Variants in SNX30 observed in about 807,000 individuals in gnomAD.
The protein encoded by SNX30 is sorting nexin family member 30.
Under a neutral mutation model 46.4 loss-of-function variants are expected in SNX30, and 24 were observed. The ratio of observed to expected loss-of-function variants is 0.52; its 90% CI spans 0.37 to 0.73. The LOEUF (loss-of-function observed/expected upper bound fraction) is 0.73, where lower values mean the gene tolerates loss of function less well. Ranked by LOEUF, SNX30 falls within the 30% of genes least tolerant of loss-of-function variation. SNX30 has a pLI of 0.00. For missense variants in SNX30, 533 were observed against 555.7 expected (o/e 0.96, Z 0.41); for synonymous variants, 189 against 211.5 (o/e 0.89, Z 0.92).
chr9:112,837,516 C>G (rs1840776720), intron 5 of SNX30, among the ~76,000 whole-genome samples: 1 of 152,018 alleles, frequency 6.6e-6, no homozygotes, highest in African/African-American at 2.4e-5. Flanking sequence ...TGCTCTGTCG[C>G]CCAGGCTGGA....
At chr9:112,807,484 G>C (rs990637614) in intron 2 of SNX30, among the ~76,000 whole-genome samples, 1 of 152,170 alleles carries the variant, frequency 6.6e-6, no homozygotes, top group Non-Finnish European at 1.5e-5. Flanking sequence ...CATTGGGCTA[G>C]ATGCTTACAT....
At chr9:112,822,858 G>A (rs1840526861) in intron 3 of SNX30, among the ~76,000 whole-genome samples, 1 of 152,142 alleles carries the variant, frequency 6.6e-6, no homozygotes. Context: ...TTGCCCACCT[G>A]TGAGTCCTTT....
intron 6 of SNX30, 72 bp from the exon 7 acceptor site, chr9:112,850,787 A>C: frequency 1.1e-5 from 12 of 1,113,820 alleles, no homozygotes; most frequent in Non-Finnish European, 1.6e-5. Context: ...GGGGAAAAGA[A>C]GCAATTGCCT....
intron 1 of SNX30, among the ~76,000 whole-genome samples, chr9:112,782,697 G>C (rs1301881822): frequency 6.6e-6 from 1 of 152,074 alleles, no homozygotes; most frequent in Non-Finnish European, 1.5e-5. Flanking sequence ...ACTCAGATCT[G>C]TTCCATCAGT....
At chr9:112,816,870 G>A (rs1434130112) in intron 2 of SNX30, among the ~76,000 whole-genome samples, 1 of 152,104 alleles carries the variant, frequency 6.6e-6, no homozygotes, top group Non-Finnish European at 1.5e-5. Context: ...TGTAATTTGT[G>A]CCAGTAAATG....
intron 6 of SNX30, among the ~76,000 whole-genome samples, chr9:112,850,314 G>GGTAGGGA (rs1841002342): frequency 6.6e-6 from 1 of 152,240 alleles, no homozygotes; most frequent in African/African-American, 2.4e-5. Flanking sequence ...GAACCTCTCA[G>GGTAGGGA]GTAGGGAGTG....
At position 112,831,027 on chromosome 9, in the gene SNX30, A is replaced by T. The variant is rs1270843532; in HGVS notation, c.618+144A>T. 7 of 806,756 alleles carry T rather than the reference A, an allele frequency of 8.7e-6. No individual in the cohort carries two copies. The East Asian group carries it at 2.0e-4, about 24-fold the overall frequency. 50.0% of individuals were successfully genotyped at this position (806,756 alleles called of 1,614,324 possible). ...ATGTTGTGCGCCTGTAGTCCCAGCT[A>T]CCTGGGAGGCTAAGGCAGGAGGTAG... On this transcript the variant is annotated intron_variant, in intron 4 of 8. Transcript: ENST00000374232.
intron 1 of SNX30, among the ~76,000 whole-genome samples, chr9:112,773,480 CCTGGGCT>C (rs1766819013): frequency 6.6e-6 from 1 of 151,858 alleles, no homozygotes; most frequent in Non-Finnish European, 1.5e-5. Flanking sequence ...GCTTTGAACT[CCTGGGCT>C]CAAGCAATCT....
At chr9:112,862,861 ATT>A (rs377743271) in intron 7 of SNX30, among the ~76,000 whole-genome samples, 1 of 148,944 alleles carries the variant, frequency 6.7e-6, no homozygotes, top group Non-Finnish European at 1.5e-5. Flanking sequence ...TCAGCCCAGT[ATT>A]TTTTTTTTCC....
chr9:112,808,150 CA>C lies in SNX30; in HGVS notation c.348+3186del, dbSNP rs1370665685. ...GTGTGTGAGAATGAGAGAAAGAGAA[CA>C]AACAAGAGGAACACGGGATCCCAAC... On this transcript the variant is annotated intron_variant, in intron 2 of 8. Coordinates refer to ENST00000374232, the MANE Select transcript of SNX30 (RefSeq NM_001012994.2). Among the ~76,000 whole-genome samples, 3 of 152,290 alleles carry C rather than the reference CA, an allele frequency of 2.0e-5. No individual in the cohort carries two copies. The East Asian group carries it at 5.8e-4, about 29-fold the overall frequency.
At chr9:112,853,246 C>T (rs970770607) in intron 7 of SNX30, among the ~76,000 whole-genome samples, 2 of 152,200 alleles carry the variant, frequency 1.3e-5, no homozygotes. Flanking sequence ...ACTGGCCCAG[C>T]GTATGCAGCT....
chr9:112,837,914 G>A (rs1240112119), intron 5 of SNX30, among the ~76,000 whole-genome samples: 6 of 128,054 alleles, frequency 4.7e-5, no homozygotes, highest in East Asian at 2.3e-4. Flanking sequence ...TTTTTTTGAC[G>A]GAGTCTCGCT....
downstream of SNX30, among the ~76,000 whole-genome samples, chr9:112,876,947 G>A (rs1201208979): frequency 5.1e-5 from 6 of 117,562 alleles, no homozygotes; most frequent in Admixed American, 2.5e-4. Flanking sequence ...AAAAAAAAAA[G>A]GATGCAGGGA....
intron 1 of SNX30, among the ~76,000 whole-genome samples, chr9:112,758,643 G>A (rs1011478250): frequency 2.6e-5 from 4 of 152,146 alleles, no homozygotes; most frequent in Admixed American, 6.5e-5. Context: ...CGATCTGCCC[G>A]CATCAGCCTT....
At chr9:112,776,352 G>A (rs1271522985) in intron 1 of SNX30, among the ~76,000 whole-genome samples, 1 of 151,898 alleles carries the variant, frequency 6.6e-6, no homozygotes, top group African/African-American at 2.4e-5. Flanking sequence ...TTCTATCCTG[G>A]TGTTTCTACT....
chr9:112,861,137 G>A (rs1213885876), intron 7 of SNX30, among the ~76,000 whole-genome samples: 1 of 152,208 alleles, frequency 6.6e-6, no homozygotes, highest in Non-Finnish European at 1.5e-5. Flanking sequence ...GTACTGAAGA[G>A]GGCTTCATGC....
chr9:112,774,147 T>C (rs1839699296), intron 1 of SNX30, among the ~76,000 whole-genome samples: 1 of 152,172 alleles, frequency 6.6e-6, no homozygotes, highest in Non-Finnish European at 1.5e-5. Flanking sequence ...GCTAGCCAAA[T>C]CCCCACTGGA....
chr9:112,790,920 C>T (rs1281402816), intron 1 of SNX30, among the ~76,000 whole-genome samples: 2 of 152,084 alleles, frequency 1.3e-5, no homozygotes, highest in Non-Finnish European at 2.9e-5. Context: ...TATATTATTG[C>T]GGTAACTAGA....
intron 1 of SNX30, among the ~76,000 whole-genome samples, chr9:112,760,010 A>G (rs1048391945): frequency 1.3e-5 from 2 of 152,086 alleles, no homozygotes; most frequent in Admixed American, 1.3e-4. Context: ...TTCTTTCTAC[A>G]TTTTGGCCTA....
Sources: allele counts gnomAD v4.1 joint callset (sites outside exome capture counted in the v4.1 genomes callset), GRCh38; gene constraint gnomAD v4.1.1; transcripts MANE v1.5; gene names NCBI Gene and HGNC (gene_info 2026-07-23, HGNC 2026-07-21).